The following PARVA variants were observed in gnomAD, a reference collection of about 807,000 sequenced individuals.
PARVA encodes parvin alpha.
A neutral mutation model predicts 52.6 loss-of-function variants in PARVA; 25 were observed. That is an observed-to-expected ratio of 0.48 (90% CI 0.35 to 0.66). The LOEUF (loss-of-function observed/expected upper bound fraction) is 0.66, where lower values mean the gene tolerates loss of function less well. PARVA is among the 30% of genes least tolerant of loss of function. The pLI is 0.01. For synonymous variants in PARVA, 185 were observed against 179.1 expected, an observed-to-expected ratio of 1.03 and a Z score of -0.26; for missense variants, 373 against 450.9, an observed-to-expected ratio of 0.83 and a Z score of 1.56.
In PARVA at chr11:12,533,304, C is replaced by T. The variant is rs2135100072; in HGVS notation, c.*5379C>T. ...GCCCTCTCACCTCGGAGGAGGACTC[C>T]TGTTTTACCAACGGCAGGAGCAGGA... On this transcript the variant is annotated 3_prime_UTR_variant, in exon 13 of 13. Coordinates refer to ENST00000334956, the MANE Select transcript of PARVA (RefSeq NM_018222.5). Among the ~76,000 whole-genome samples the T allele has an allele frequency of 6.6e-6, 1 of 152,328 alleles. No individual in the cohort carries two copies. The highest frequency in any genetic ancestry group is 1.9e-4 in the East Asian group (1 of 5,182).
In PARVA at chr11:12,533,045, C is replaced by A. The variant is rs1158121981; in HGVS notation, c.*5120C>A. Reference sequence around the variant, plus strand: ...GAGGAGACCAGGAGAGGAGATCAGACCTCTGCCCACCCCAACACCAATCTG... The same window carrying A: ...GAGGAGACCAGGAGAGGAGATCAGAACTCTGCCCACCCCAACACCAATCTG... On this transcript the variant is annotated 3_prime_UTR_variant, in exon 13 of 13. Transcript: ENST00000334956. Among the ~76,000 whole-genome samples the A allele has an allele frequency of 6.6e-6, 1 of 152,200 alleles. No homozygotes were observed. The highest frequency in any genetic ancestry group is 1.9e-4 in the East Asian group (1 of 5,192).
intron 5 of PARVA, among the ~76,000 whole-genome samples, chr11:12,503,986 T>A (rs1397836220): frequency 6.6e-6 from 1 of 152,012 alleles, no homozygotes; most frequent in East Asian, 1.9e-4. Flanking sequence ...AACAGGCACT[T>A]CATATGACAA....
At chr11:12,419,561 G>A (rs1940117811) in intron 1 of PARVA, among the ~76,000 whole-genome samples, 1 of 152,164 alleles carries the variant, frequency 6.6e-6, no homozygotes, top group Admixed American at 6.5e-5. Context: ...ACTATTGTGA[G>A]TAATGCTGCT....
chr11:12,440,135 A>T (rs781097526), intron 1 of PARVA, among the ~76,000 whole-genome samples: 2 of 152,190 alleles, frequency 1.3e-5, no homozygotes, highest in African/African-American at 2.4e-5. Context: ...ACCATTGTAT[A>T]TGCTCAGTTA....
chr11:12,489,997 A>T (rs1024219511), intron 4 of PARVA, among the ~76,000 whole-genome samples: 50 of 152,230 alleles, frequency 3.3e-4, no homozygotes, highest in African/African-American at 1.2e-3. Flanking sequence ...CAGATGGATC[A>T]CAAGGTCAGG....
At chr11:12,470,762 T>C (rs1183918598) in intron 1 of PARVA, among the ~76,000 whole-genome samples, 1 of 152,166 alleles carries the variant, frequency 6.6e-6, no homozygotes, top group Non-Finnish European at 1.5e-5. Flanking sequence ...AGCTCCTACC[T>C]ATGACCTGAG....
At chr11:12,425,951 A>G (rs897805788) in intron 1 of PARVA, among the ~76,000 whole-genome samples, 1 of 152,176 alleles carries the variant, frequency 6.6e-6, no homozygotes, top group Non-Finnish European at 1.5e-5. Context: ...GTTTCTACAA[A>G]GAACCAAACT....
chr11:12,505,545 C>T (rs982689439), intron 6 of PARVA, among the ~76,000 whole-genome samples: 1 of 152,196 alleles, frequency 6.6e-6, no homozygotes, highest in Non-Finnish European at 1.5e-5. Context: ...TATGACACCT[C>T]GGCCCTGCCT....
At chr11:12,385,995 A>T (rs1463914784) in intron 1 of PARVA, among the ~76,000 whole-genome samples, 1 of 152,186 alleles carries the variant, frequency 6.6e-6, no homozygotes, top group Non-Finnish European at 1.5e-5. Flanking sequence ...CACTGCTTTA[A>T]TTCAGCCTTC....
At chr11:12,432,166 CTT>C (rs749771766) in intron 1 of PARVA, among the ~76,000 whole-genome samples, 1 of 152,168 alleles carries the variant, frequency 6.6e-6, no homozygotes, top group Non-Finnish European at 1.5e-5. Flanking sequence ...AGTAGTGACT[CTT>C]TTTTCCTCAT....
intron 8 of PARVA, 96 bp downstream of exon 8, chr11:12,511,629 C>T: frequency 7.7e-7 from 1 of 1,301,106 alleles, no homozygotes; most frequent in Admixed American, 1.9e-5. Flanking sequence ...CAGCTTGTCA[C>T]CTGGATATAC....
chr11:12,479,722 G>A (rs1169560132), intron 4 of PARVA: 1 of 152,056 alleles, frequency 6.6e-6, no homozygotes, highest in African/African-American at 2.4e-5. Context: ...TATATGTATA[G>A]GTGTGTAGAT....
chr11:12,390,294 G>A (rs1692807240), intron 1 of PARVA, among the ~76,000 whole-genome samples: 1 of 152,226 alleles, frequency 6.6e-6, no homozygotes, highest in Non-Finnish European at 1.5e-5. Context: ...GAGAGCCCCT[G>A]GTGGGGATGG....
intron 1 of PARVA, among the ~76,000 whole-genome samples, chr11:12,410,590 C>T (rs747062012): frequency 1.3e-5 from 2 of 152,308 alleles, no homozygotes; most frequent in Middle Eastern, 3.4e-3. Flanking sequence ...TGCTTCTCCT[C>T]CTCCTTTTGG....
chr11:12,520,330 G>A (rs533179183), intron 12 of PARVA, among the ~76,000 whole-genome samples: 41 of 152,306 alleles, frequency 2.7e-4, no homozygotes, highest in African/African-American at 9.4e-4. Context: ...CCAGCATTCC[G>A]TCTGGTTTTT....
intron 1 of PARVA, among the ~76,000 whole-genome samples, chr11:12,379,378 C>T (rs1049311490): frequency 1.3e-5 from 2 of 152,134 alleles, no homozygotes; most frequent in East Asian, 3.9e-4. Flanking sequence ...TCACATGCCT[C>T]GGACAAAATC....
rs192885744 is a variant in PARVA, at chr11:12,496,738, G to A, written c.541+140G>A. On this transcript the variant is annotated intron_variant, in intron 5 of 12. Coordinates refer to ENST00000334956, the MANE Select transcript of PARVA (RefSeq NM_018222.5). ...CATTTATCTTTGAACAAGTTGCCCC[G>A]CTTCCTCAGAACTTGGAAGAAGTTC... is the stretch of plus-strand genomic sequence containing the variant. The A allele has an allele frequency of 3.3e-4, 253 of 756,202 alleles. 2 individuals carry two copies. In the African/African-American group the frequency reaches 4.0e-3, roughly 12 times the overall value. The allele number at this position is 756,202 out of a possible 1,614,324, so 46.8% of individuals were successfully genotyped here. A position where few individuals can be genotyped will look rare whatever the true frequency, so the allele number is the denominator to read the frequency against.
intron 1 of PARVA, among the ~76,000 whole-genome samples, chr11:12,391,623 C>T (rs1222056591): frequency 6.6e-6 from 1 of 152,190 alleles, no homozygotes; most frequent in East Asian, 1.9e-4. Flanking sequence ...CCTGCATATG[C>T]TGCTAACTCC....
intron 4 of PARVA, among the ~76,000 whole-genome samples, chr11:12,489,219 T>C (rs1330932016): frequency 6.6e-6 from 1 of 150,672 alleles, no homozygotes; most frequent in Admixed American, 6.6e-5. Context: ...AAAATGAGTA[T>C]GTTTAATATG....
Sources: gnomAD v4.1 joint callset for allele counts (sites outside exome capture counted in the v4.1 genomes callset) on GRCh38, gnomAD v4.1.1 for gene constraint, MANE v1.5 for transcripts, NCBI Gene and HGNC (gene_info 2026-07-23, HGNC 2026-07-21) for gene names.